KCNIP4: variants seen among roughly 807,000 people sequenced by gnomAD.
KCNIP4 encodes Kv channel-interacting protein 4.
KCNIP4 carries 12 observed loss-of-function variants against 34.0 expected under a neutral mutation model. The ratio of observed to expected loss-of-function variants is 0.35; its 90% CI spans 0.23 to 0.57. The LOEUF is 0.57. Among genes scored for constraint, KCNIP4 ranks in the 20% least tolerant of loss-of-function variants. KCNIP4 has a pLI of 0.83. For missense variants in KCNIP4, 238 were observed against 311.7 expected, an observed-to-expected ratio of 0.76 and a Z score of 1.78; for synonymous variants, 124 against 102.2, an observed-to-expected ratio of 1.21 and a Z score of -1.29.
chr4:21,476,237 T>G (rs1730958002), intron 1 of KCNIP4, among the ~76,000 whole-genome samples: 1 of 152,176 alleles, frequency 6.6e-6, no homozygotes, highest in Non-Finnish European at 1.5e-5. Flanking sequence ...TGTCTATCTA[T>G]CTATCTATTG....
rs373824633 is a variant in KCNIP4, at chr4:21,284,353, C to T, written c.62-401644G>A. ...AACAAAAGGTATAAGCAAGAGCAGCCGCCTTTACTGAACACTTACTTTGAA... is the reference window on the plus strand; with the variant it reads ...AACAAAAGGTATAAGCAAGAGCAGCTGCCTTTACTGAACACTTACTTTGAA... On this transcript the variant is annotated intron_variant, in intron 1 of 8. Transcript: ENST00000382152. Among the ~76,000 whole-genome samples, 39 of 152,238 alleles carry T rather than the reference C, an allele frequency of 2.6e-4. 1 individual carries two copies. In the South Asian group the frequency reaches 4.2e-3, roughly 16 times the overall value.
intron 1 of KCNIP4, among the ~76,000 whole-genome samples, chr4:21,446,391 T>C (rs553519574): frequency 1.9e-4 from 29 of 151,858 alleles, no homozygotes; most frequent in African/African-American, 6.5e-4. Context: ...CCAAAAATGA[T>C]AGACTGGATT....
chr4:21,037,540 A>T (rs1431068632), intron 1 of KCNIP4, among the ~76,000 whole-genome samples: 3 of 152,328 alleles, frequency 2.0e-5, no homozygotes, highest in South Asian at 2.1e-4. Flanking sequence ...AGTAGGCTAC[A>T]CCCTCTAGGT....
intron 2 of KCNIP4, among the ~76,000 whole-genome samples, chr4:20,855,818 G>A (rs111950787): frequency 0.012 from 1,827 of 152,138 alleles, 17 homozygotes; most frequent in Non-Finnish European, 0.018. Context: ...GAATAGTGAC[G>A]GATGAATAAA....
At chr4:21,752,658 A>G (rs1717232883) in intron 1 of KCNIP4, among the ~76,000 whole-genome samples, 1 of 152,210 alleles carries the variant, frequency 6.6e-6, no homozygotes, top group Admixed American at 6.5e-5. Context: ...CTGAGGTCAG[A>G]GGGTTGGGAC....
intron 1 of KCNIP4, among the ~76,000 whole-genome samples, chr4:21,112,141 G>A (rs566953628): frequency 4.0e-5 from 6 of 151,882 alleles, no homozygotes; most frequent in Non-Finnish European, 5.9e-5. Context: ...TAAGATCATA[G>A]TCAAGTTTAA....
At chr4:20,994,955 A>G (rs1737415352) in intron 1 of KCNIP4, among the ~76,000 whole-genome samples, 1 of 152,158 alleles carries the variant, frequency 6.6e-6, no homozygotes, top group African/African-American at 2.4e-5. Context: ...CTTTCTCCTA[A>G]CACTGCCTTT....
intron 1 of KCNIP4, among the ~76,000 whole-genome samples, chr4:21,439,094 G>A (rs550514657): frequency 1.1e-4 from 17 of 151,540 alleles, no homozygotes; most frequent in South Asian, 4.2e-4. Flanking sequence ...CCTGGGAGGC[G>A]GAGCTTGCAG....
At chr4:21,841,373 G>T (rs984322293) in intron 1 of KCNIP4, among the ~76,000 whole-genome samples, 2 of 152,070 alleles carry the variant, frequency 1.3e-5, no homozygotes, top group African/African-American at 4.8e-5. Flanking sequence ...ACACTTGTTA[G>T]CAGGAAGCTA....
chr4:21,835,587 T>G (rs1203146368), intron 1 of KCNIP4, among the ~76,000 whole-genome samples: 1 of 124,814 alleles, frequency 8.0e-6, no homozygotes, highest in Non-Finnish European at 2.0e-5. Context: ...ACGTTTTTTT[T>G]TGTTAGTTTT....
Position 21,019,273 on chromosome 4 carries a change from A to C in KCNIP4, c.62-136564T>G, listed in dbSNP as rs1739830911. 2.6e-5 allele frequency among the ~76,000 whole-genome samples: 4 copies of C among 151,980 alleles called. No homozygotes were observed. The South Asian group carries it at 8.3e-4, about 31-fold the overall frequency. ...CTGGTTCAAGCAATTCCCCTGTCTC[A>C]ACTTCCTGAGTAGCTGGGATTACAG... is the stretch of plus-strand genomic sequence containing the variant. On this transcript the variant is annotated intron_variant, in intron 1 of 8. Coordinates refer to ENST00000382152, the MANE Select transcript of KCNIP4 (RefSeq NM_025221.6).
chr4:20,877,881 C>A (rs1408053826), intron 2 of KCNIP4, among the ~76,000 whole-genome samples: 5 of 152,040 alleles, frequency 3.3e-5, no homozygotes, highest in South Asian at 2.1e-4. Context: ...ATCATTATAA[C>A]CTTTTCAGGC....
chr4:21,761,538 A>G (rs1200024807), intron 1 of KCNIP4, among the ~76,000 whole-genome samples: 2 of 152,082 alleles, frequency 1.3e-5, no homozygotes, highest in African/African-American at 4.8e-5. Flanking sequence ...CAACCATCTT[A>G]TAACTAAATT....
intron 1 of KCNIP4, among the ~76,000 whole-genome samples, chr4:21,092,714 C>T (rs1747108782): frequency 6.6e-6 from 1 of 152,136 alleles, no homozygotes; most frequent in African/African-American, 2.4e-5. Flanking sequence ...AGATGAGGGG[C>T]AGGGAGCATA....
chr4:21,300,353 T>C (rs1215216970), intron 1 of KCNIP4, among the ~76,000 whole-genome samples: 1 of 152,140 alleles, frequency 6.6e-6, no homozygotes, highest in Non-Finnish European at 1.5e-5. Context: ...TTCTGGAGCC[T>C]CCTAAACTCC....
chr4:21,113,417 G>A (rs1419914373), intron 1 of KCNIP4, among the ~76,000 whole-genome samples: 2 of 94,346 alleles, frequency 2.1e-5, no homozygotes, highest in African/African-American at 8.0e-5. Flanking sequence ...AAAGCTGAAT[G>A]AAATATAAAG....
chr4:21,334,202 GAATA>G (rs769365205), intron 1 of KCNIP4, among the ~76,000 whole-genome samples: 6 of 151,942 alleles, frequency 3.9e-5, no homozygotes, highest in Admixed American at 1.3e-4. Flanking sequence ...GTATGACACT[GAATA>G]AATTATTCCT....
chr4:21,362,795 T>A (rs1719362163), intron 1 of KCNIP4, among the ~76,000 whole-genome samples: 1 of 152,030 alleles, frequency 6.6e-6, no homozygotes, highest in Non-Finnish European at 1.5e-5. Context: ...AGGATGAAAT[T>A]AAAGTTAGAA....
At chr4:20,902,195 A>G (rs566124712) in intron 1 of KCNIP4, among the ~76,000 whole-genome samples, 34 of 152,278 alleles carry the variant, frequency 2.2e-4, no homozygotes, top group Non-Finnish European at 4.1e-4. Flanking sequence ...TGGCCCTTCT[A>G]GGGTTGATAC....
Sources: allele counts gnomAD v4.1 joint callset (sites outside exome capture counted in the v4.1 genomes callset), GRCh38; gene constraint gnomAD v4.1.1; transcripts MANE v1.5; gene names NCBI Gene and HGNC (gene_info 2026-07-23, HGNC 2026-07-21).